The following SUGCT variants were observed in gnomAD, a reference collection of about 807,000 sequenced individuals.
SUGCT encodes succinyl-CoA:glutarate CoA-transferase.
SUGCT carries 41 observed loss-of-function variants against 55.0 expected under a neutral mutation model. The observed-to-expected ratio is 0.74, with a 90% CI of 0.58 to 0.97. The LOEUF is 0.97. Ranked by LOEUF, SUGCT falls within the 50% of genes least tolerant of loss-of-function variation. SUGCT has a pLI of 0.00. For synonymous variants in SUGCT, 187 were observed against 200.4 expected (o/e 0.93, Z 0.56); for missense variants, 568 against 547.8 (o/e 1.04, Z -0.37).
intron 12 of SUGCT, among the ~76,000 whole-genome samples, chr7:40,723,486 C>G (rs1432488723): frequency 6.6e-6 from 1 of 152,042 alleles, no homozygotes; most frequent in Admixed American, 6.6e-5. Context: ...GCACGAATTC[C>G]TCAACCGATA....
intron 12 of SUGCT, among the ~76,000 whole-genome samples, chr7:40,586,488 C>G (rs1196136829): frequency 6.6e-6 from 1 of 152,016 alleles, no homozygotes; most frequent in Non-Finnish European, 1.5e-5. Context: ...GAGAAGTCCT[C>G]CTGGAGGAAG....
the SUGCT span, among the ~76,000 whole-genome samples, chr7:40,908,095 C>T: frequency 4.0e-5 from 6 of 151,732 alleles, no homozygotes; most frequent in Non-Finnish European, 2.9e-5. Flanking sequence ...AAGTATGGAC[C>T]GGCCGGGTGC....
chr7:40,822,810 T>C (rs368574967), intron 13 of SUGCT, among the ~76,000 whole-genome samples: 1 of 152,124 alleles, frequency 6.6e-6, no homozygotes, highest in African/African-American at 2.4e-5. Context: ...AAGGAATAAA[T>C]TGAAAATGAG....
At chr7:40,492,599 G>C (rs2151511732) in intron 11 of SUGCT, among the ~76,000 whole-genome samples, 1 of 152,242 alleles carries the variant, frequency 6.6e-6, no homozygotes, top group South Asian at 2.1e-4. Context: ...CTTGGGGCAC[G>C]GGAGATTTCA....
chr7:40,167,930 T>C (rs947171396), intron 1 of SUGCT, among the ~76,000 whole-genome samples: 5 of 152,310 alleles, frequency 3.3e-5, no homozygotes, highest in African/African-American at 7.2e-5. Flanking sequence ...AACAGAGCTC[T>C]CATACAATGG....
chr7:40,868,040 A>G, the SUGCT span, among the ~76,000 whole-genome samples: 1 of 152,156 alleles, frequency 6.6e-6, no homozygotes, highest in Non-Finnish European at 1.5e-5. Context: ...GAAACTGGTC[A>G]TATTTATTTT....
the SUGCT span, chr7:40,965,652 A>G: frequency 1.3e-5 from 2 of 152,246 alleles, no homozygotes; most frequent in South Asian, 2.1e-4. Context: ...GAAACAAAAT[A>G]AAACATACTT....
the SUGCT span, among the ~76,000 whole-genome samples, chr7:41,021,087 A>G: frequency 6.6e-6 from 1 of 152,228 alleles, no homozygotes; most frequent in Non-Finnish European, 1.5e-5. Flanking sequence ...CTTGACCAAC[A>G]TGGCAAAGTA....
At chr7:40,430,444 A>T (rs562862352) in intron 9 of SUGCT, among the ~76,000 whole-genome samples, 1 of 152,256 alleles carries the variant, frequency 6.6e-6, no homozygotes, top group Admixed American at 6.5e-5. Context: ...TTTAATGTAC[A>T]TGTTGGCTAT....
At chr7:40,560,867 T>G (rs1314814708) in intron 12 of SUGCT, among the ~76,000 whole-genome samples, 1 of 152,266 alleles carries the variant, frequency 6.6e-6, no homozygotes. Flanking sequence ...GCAAATCTGC[T>G]GATTTTACGA....
At chr7:40,309,467 G>T (rs550846959) in intron 8 of SUGCT, among the ~76,000 whole-genome samples, 1 of 152,146 alleles carries the variant, frequency 6.6e-6, no homozygotes, top group African/African-American at 2.4e-5. Flanking sequence ...GCTAATTTTT[G>T]TATTTTTAGT....
chr7:40,901,885 C>T, the SUGCT span, among the ~76,000 whole-genome samples: 1 of 152,180 alleles, frequency 6.6e-6, no homozygotes, highest in Admixed American at 6.5e-5. Context: ...AAGAGGGATT[C>T]ACTGGTCATT....
chr7:41,009,294 T>G, the SUGCT span, among the ~76,000 whole-genome samples: 1 of 152,124 alleles, frequency 6.6e-6, no homozygotes, highest in Non-Finnish European at 1.5e-5. Context: ...GAATCTATGT[T>G]AATTATTAAT....
intron 13 of SUGCT, among the ~76,000 whole-genome samples, chr7:40,797,640 A>G (rs910563231): frequency 1.3e-5 from 2 of 152,054 alleles, no homozygotes; most frequent in Non-Finnish European, 2.9e-5. Flanking sequence ...CTCATGTCCA[A>G]CCTTTGGACC....
At chr7:40,760,414 A>G (rs1788473511) in intron 13 of SUGCT, among the ~76,000 whole-genome samples, 1 of 152,148 alleles carries the variant, frequency 6.6e-6, no homozygotes, top group African/African-American at 2.4e-5. Flanking sequence ...CAGAAAGTAG[A>G]ATAGTGATTG....
At chr7:40,469,468 T>A (rs1790293917) in intron 11 of SUGCT, among the ~76,000 whole-genome samples, 1 of 152,180 alleles carries the variant, frequency 6.6e-6, no homozygotes, top group Non-Finnish European at 1.5e-5. Flanking sequence ...TGAATGTTGG[T>A]TATTTGGAGA....
chr7:40,511,811 A>C (rs1237582250), intron 12 of SUGCT, among the ~76,000 whole-genome samples: 3 of 152,160 alleles, frequency 2.0e-5, no homozygotes, highest in African/African-American at 4.8e-5. Flanking sequence ...ACACTTATTG[A>C]TTACAATAAT....
At chr7:40,739,150 G>A (rs984238784) in intron 12 of SUGCT, among the ~76,000 whole-genome samples, 2 of 152,088 alleles carry the variant, frequency 1.3e-5, no homozygotes, top group African/African-American at 4.8e-5. Flanking sequence ...ATCACATTGA[G>A]GGCATTGACA....
At chr7:40,978,674 T>C in the SUGCT span, among the ~76,000 whole-genome samples, 1 of 152,062 alleles carries the variant, frequency 6.6e-6, no homozygotes, top group Non-Finnish European at 1.5e-5. Context: ...AGGATAAGGA[T>C]AAGCCAAAGC....
Sources: allele counts gnomAD v4.1 joint callset (sites outside exome capture counted in the v4.1 genomes callset), GRCh38; gene constraint gnomAD v4.1.1; transcripts MANE v1.5; gene names NCBI Gene and HGNC (gene_info 2026-07-23, HGNC 2026-07-21).